The following KLHDC1 variants were observed in gnomAD, a reference collection of about 807,000 sequenced individuals.
KLHDC1 encodes the protein kelch domain containing 1.
Under a neutral mutation model 68.3 loss-of-function variants are expected in KLHDC1, and 53 were observed. That is an observed-to-expected ratio of 0.78 (90% CI 0.62 to 0.98). The LOEUF (loss-of-function observed/expected upper bound fraction) is 0.98, where lower values mean the gene tolerates loss of function less well. Among genes scored for constraint, KLHDC1 ranks in the 50% least tolerant of loss-of-function variants. The pLI is 0.00. For missense variants in KLHDC1, 470 were observed against 492.3 expected (o/e 0.95, Z 0.43); for synonymous variants, 148 against 159.0 (o/e 0.93, Z 0.52).
chr14:49,733,411 A>G (rs1888861061), intron 9 of KLHDC1, among the ~76,000 whole-genome samples: 1 of 149,366 alleles, frequency 6.7e-6, no homozygotes, highest in African/African-American at 2.5e-5. Context: ...TAGATGTTTT[A>G]TGTTTTCTAT....
intron 12 of KLHDC1, chr14:49,751,231 G>GA (rs146657287): frequency 1.4e-4 from 21 of 152,438 alleles, no homozygotes; most frequent in African/African-American, 2.2e-4. Flanking sequence ...GGTGCTCTGG[G>GA]AAAAAAAAAT....
At chr14:49,727,043 G>A (rs572512605) in intron 6 of KLHDC1, among the ~76,000 whole-genome samples, 6 of 151,104 alleles carry the variant, frequency 4.0e-5, no homozygotes, top group African/African-American at 9.7e-5. Flanking sequence ...TCAGAAGTTC[G>A]AGACCAACCT....
intron 10 of KLHDC1, among the ~76,000 whole-genome samples, chr14:49,739,888 CAGAG>C (rs890781811): frequency 1.3e-5 from 2 of 152,204 alleles, no homozygotes; most frequent in South Asian, 4.1e-4. Flanking sequence ...AAACAAAAAA[CAGAG>C]AGAGAGTCAT....
intron 6 of KLHDC1, 136 bp downstream of exon 6, chr14:49,725,905 T>C (rs1414733650): frequency 2.3e-5 from 12 of 524,420 alleles, no homozygotes; most frequent in African/African-American, 4.0e-5. Context: ...TGGAGTACAG[T>C]GGCACAATCT....
At chr14:49,728,576 G>T (rs1162060636) in intron 6 of KLHDC1, among the ~76,000 whole-genome samples, 1 of 151,868 alleles carries the variant, frequency 6.6e-6, no homozygotes, top group East Asian at 1.9e-4. Context: ...GTGTGTGAAA[G>T]AGAAACAGAG....
intron 1 of KLHDC1, among the ~76,000 whole-genome samples, chr14:49,695,728 A>G (rs550015517): frequency 6.6e-6 from 1 of 152,278 alleles, no homozygotes; most frequent in African/African-American, 2.4e-5. Context: ...AAAGTCCTAG[A>G]TGGCATCCTC....
chr14:49,706,137 C>T (rs1888044851), intron 1 of KLHDC1, among the ~76,000 whole-genome samples: 2 of 152,182 alleles, frequency 1.3e-5, no homozygotes. Flanking sequence ...CTCCCACCTC[C>T]CACTAACCTT....
intron 1 of KLHDC1, among the ~76,000 whole-genome samples, chr14:49,702,980 C>T (rs1224229551): frequency 6.6e-6 from 1 of 152,192 alleles, no homozygotes; most frequent in African/African-American, 2.4e-5. Flanking sequence ...TTCCTTGCAT[C>T]GACCAGAGGC....
At chr14:49,699,478 C>G (rs1294101208) in intron 1 of KLHDC1, among the ~76,000 whole-genome samples, 3 of 150,184 alleles carry the variant, frequency 2.0e-5, no homozygotes, top group Admixed American at 6.6e-5. Flanking sequence ...ATTCTTCTAA[C>G]AATTATCTTA....
chr14:49,700,645 A>C (rs1240093170), intron 1 of KLHDC1, among the ~76,000 whole-genome samples: 1 of 152,212 alleles, frequency 6.6e-6, no homozygotes, highest in Non-Finnish European at 1.5e-5. Context: ...TATGGATTTA[A>C]AGGGAAGAAG....
intron 4 of KLHDC1, among the ~76,000 whole-genome samples, chr14:49,713,821 TATATATATATA>T (rs1888281279): frequency 3.2e-4 from 1 of 3,160 alleles, no homozygotes; most frequent in Non-Finnish European, 2.1e-3. Flanking sequence ...TATATATATA[TATATATATATA>T]TATATATATA....
intron 1 of KLHDC1, chr14:49,708,514 T>C (rs907076273): frequency 6.6e-6 from 1 of 152,218 alleles, no homozygotes; most frequent in Non-Finnish European, 1.5e-5. Flanking sequence ...CAAGTCTTAT[T>C]TATCTTTTCA....
intron 4 of KLHDC1, among the ~76,000 whole-genome samples, chr14:49,718,087 AT>A (rs1566605949): frequency 6.6e-6 from 1 of 151,788 alleles, no homozygotes; most frequent in African/African-American, 2.4e-5. Context: ...GGGTCTCATT[AT>A]GTTGCCAGGC....
At chr14:49,714,468 G>T (rs1307878846) in intron 4 of KLHDC1, among the ~76,000 whole-genome samples, 1 of 151,186 alleles carries the variant, frequency 6.6e-6, no homozygotes, top group Non-Finnish European at 1.5e-5. Context: ...GCGAGACTCT[G>T]TCTCAAAAAC....
intron 1 of KLHDC1, chr14:49,708,213 G>A (rs913932232): frequency 2.0e-5 from 3 of 151,944 alleles, no homozygotes; most frequent in African/African-American, 7.3e-5. Flanking sequence ...TGGGATTACA[G>A]GCATACGCCA....
rs185863730 is a variant in KLHDC1, at chr14:49,693,141, C to A, written c.-54C>A. The A allele has an allele frequency of 3.4e-5, 50 of 1,490,386 alleles. No homozygotes were observed. Among genetic ancestry groups the A allele is most frequent in the Middle Eastern group, 1.8e-4 (1 of 5,514 alleles). 92.3% of individuals were successfully genotyped at this position (1,490,386 alleles called of 1,614,324 possible). ...GAGCAGTCGGGGCTGGAGGCGAGGCCGCCGGGCGGGCAGGGGTTGTGGCGC... is the reference window on the plus strand; with the variant it reads ...GAGCAGTCGGGGCTGGAGGCGAGGCAGCCGGGCGGGCAGGGGTTGTGGCGC... On this transcript the variant is annotated 5_prime_UTR_variant, in exon 1 of 13. Coordinates refer to ENST00000359332, the MANE Select transcript of KLHDC1 (RefSeq NM_172193.3).
chr14:49,693,661 G>C (rs1399849866), intron 1 of KLHDC1, among the ~76,000 whole-genome samples: 2 of 149,858 alleles, frequency 1.3e-5, no homozygotes. Context: ...GTATCATTTT[G>C]TATATATTTC....
intron 6 of KLHDC1, among the ~76,000 whole-genome samples, chr14:49,728,419 T>A (rs1328297440): frequency 6.6e-6 from 1 of 152,248 alleles, no homozygotes; most frequent in Non-Finnish European, 1.5e-5. Flanking sequence ...AGAGTTTTAG[T>A]AAGAGAGAGA....
chr14:49,730,222 G>GTT (rs11340525), intron 8 of KLHDC1, among the ~76,000 whole-genome samples: 6 of 98,936 alleles, frequency 6.1e-5, no homozygotes, highest in African/African-American at 1.7e-4. Context: ...ATATTTGCAG[G>GTT]TTTTTTTTTT....
Sources: gnomAD v4.1 joint callset for allele counts (sites outside exome capture counted in the v4.1 genomes callset) on GRCh38, gnomAD v4.1.1 for gene constraint, MANE v1.5 for transcripts, NCBI Gene and HGNC (gene_info 2026-07-23, HGNC 2026-07-21) for gene names.